The following MED12L variants were observed in gnomAD, a reference collection of about 807,000 sequenced individuals.
The protein encoded by MED12L is mediator of RNA polymerase II transcription subunit 12-like protein.
In MED12L, 60 loss-of-function variants were observed where a neutral mutation model predicts 281.3. The ratio of observed to expected loss-of-function variants is 0.21; its 90% confidence interval spans 0.17 to 0.26. MED12L has a LOEUF of 0.26. Among genes scored for constraint, MED12L ranks in the 10% least tolerant of loss-of-function variants. The pLI is 1.00. For synonymous variants in MED12L, 974 were observed against 987.2 expected, an observed-to-expected ratio of 0.99 and a Z score of 0.25; for missense variants, 2,146 against 2,680.9, an observed-to-expected ratio of 0.80 and a Z score of 4.41.
intron 16 of MED12L, among the ~76,000 whole-genome samples, chr3:151,319,468 C>CGTGTGTGTGTGTGTGCGT (rs1748724504): frequency 6.9e-6 from 1 of 145,552 alleles, no homozygotes; most frequent in Non-Finnish European, 1.5e-5. Flanking sequence ...TGTGTGTGTG[C>CGTGTGTGTGTGTGTGCGT]GTGTGTGTGT....
chr3:151,219,265 G>T (rs10513390), intron 16 of MED12L, among the ~76,000 whole-genome samples: 1 of 151,924 alleles, frequency 6.6e-6, no homozygotes, highest in Non-Finnish European at 1.5e-5. Context: ...TTCTCTCTTT[G>T]GACAGAATTT....
intron 16 of MED12L, among the ~76,000 whole-genome samples, chr3:151,218,977 A>G (rs1366128040): frequency 1.3e-5 from 2 of 151,420 alleles, no homozygotes; most frequent in African/African-American, 4.8e-5. Flanking sequence ...ATCCAGATAT[A>G]TGAGAATGAA....
At chr3:151,260,002 A>G (rs1019353995) in intron 16 of MED12L, among the ~76,000 whole-genome samples, 3 of 152,168 alleles carry the variant, frequency 2.0e-5, no homozygotes, top group African/African-American at 2.4e-5. Flanking sequence ...ATTGGTAGGC[A>G]TTGTGAAGTG....
rs912943589 is a variant in MED12L, at chr3:151,086,093, A to G, written c.-130+157A>G. Among the ~76,000 whole-genome samples the G allele has an allele frequency of 4.6e-5, 7 of 152,080 alleles. No individual in the cohort carries two copies. In the East Asian group the frequency reaches 7.8e-4, roughly 17 times the overall value. On this transcript the variant is annotated intron_variant, in intron 1 of 44. Transcript: ENST00000687756. ...CTTCCCCAGCCCCTGGAGGGACTGT[A>G]AAGGGTTAAGTCGGCCCCACGCCAC... is the stretch of plus-strand genomic sequence containing the variant.
intron 40 of MED12L, 140 bp downstream of exon 40, chr3:151,409,472 T>A: frequency 9.7e-6 from 7 of 721,012 alleles, no homozygotes; most frequent in Admixed American, 8.0e-5. Flanking sequence ...TTATAATTGA[T>A]ATTTCAAAAA....
chr3:151,102,395 T>C (rs923524150), intron 2 of MED12L, among the ~76,000 whole-genome samples: 6 of 152,164 alleles, frequency 3.9e-5, no homozygotes, highest in African/African-American at 7.2e-5. Flanking sequence ...CAGGGGAAAT[T>C]TGTTTCCTTG....
At chr3:151,310,656 C>G (rs1747378655) in intron 16 of MED12L, among the ~76,000 whole-genome samples, 1 of 152,206 alleles carries the variant, frequency 6.6e-6, no homozygotes, top group Non-Finnish European at 1.5e-5. Context: ...ATTTGGTGAA[C>G]TAATTTCTCA....
intron 16 of MED12L, among the ~76,000 whole-genome samples, chr3:151,214,871 A>G (rs943809464): frequency 6.6e-6 from 1 of 152,174 alleles, no homozygotes; most frequent in African/African-American, 2.4e-5. Context: ...CCCATGTGTA[A>G]TGTATTTTTT....
chr3:151,244,740 T>A (rs1489483040), intron 16 of MED12L, among the ~76,000 whole-genome samples: 2 of 151,786 alleles, frequency 1.3e-5, no homozygotes, highest in Admixed American at 6.6e-5. Context: ...ATTCAAAAGC[T>A]AGCAGAAGGC....
intron 39 of MED12L, among the ~76,000 whole-genome samples, chr3:151,404,960 T>C (rs565850544): frequency 5.9e-5 from 9 of 152,300 alleles, no homozygotes; most frequent in African/African-American, 1.9e-4. Context: ...CACAGAAGAA[T>C]GAAAATTATG....
At chr3:151,116,866 T>C (rs1712899090) in intron 3 of MED12L, among the ~76,000 whole-genome samples, 1 of 152,204 alleles carries the variant, frequency 6.6e-6, no homozygotes, top group Non-Finnish European at 1.5e-5. Flanking sequence ...TTTGCCCTAC[T>C]ATTGGCTATA....
intron 16 of MED12L, chr3:151,219,788 T>C (rs1728961335): frequency 6.6e-6 from 1 of 152,104 alleles, no homozygotes; most frequent in Non-Finnish European, 1.5e-5. Context: ...CTATACTTGC[T>C]ATTTGTTGTC....
Position 151,350,089 on chromosome 3 carries a change from C to T in MED12L, c.2281C>T (p.Arg761Cys), listed in dbSNP as rs1753031844. 1.2e-6 allele frequency: 2 copies of T among 1,612,134 alleles called. No homozygotes were observed. The highest frequency in any genetic ancestry group is 8.5e-7 in the Non-Finnish European group (1 of 1,178,816). ...DESSSHECNQ[R>C]TILLYGVGKE... ...ATCTTCAAGTCATGAATGTAACCAGCGCACAATCCTTCTCTATGGAGTCGG... is the reference window on the plus strand; with the variant it reads ...ATCTTCAAGTCATGAATGTAACCAGTGCACAATCCTTCTCTATGGAGTCGG... Residue 761 changes from arginine (R) to cysteine (C), a missense_variant, in exon 17 of 45, where the codon CGC becomes TGC. Arg to Cys is a radical substitution (Grantham distance 180). Around this residue, in one of 9 missense-constraint regions of MED12L, gnomAD observed 404 missense variants for 603.5 expected, o/e 0.67. Coordinates refer to ENST00000687756, the MANE Select transcript of MED12L (RefSeq NM_001393769.1).
intron 16 of MED12L, chr3:151,213,857 C>T (rs1342611702): frequency 2.5e-6 from 4 of 1,613,952 alleles, no homozygotes; most frequent in Admixed American, 1.7e-5. Context: ...ATATTTGGAA[C>T]AGCAAGGAGG....
In MED12L at chr3:151,229,421, G is replaced by A. The variant is rs370450248; in HGVS notation, c.2250+35755G>A. ...TCCCGGGTTCAAGCGATTCTCCTGC[G>A]TCAGCCTCCCGAGTAGCTGGGACTA... On this transcript the variant is annotated intron_variant, in intron 16 of 44. Transcript: ENST00000687756. Among the ~76,000 whole-genome samples, 1,095 of 142,808 alleles carry A rather than the reference G, an allele frequency of 7.7e-3. 13 individuals carry two copies. The Middle Eastern group carries it at 0.097, about 13-fold the overall frequency. The allele number at this position is 142,808 out of a possible 152,430, so 93.7% of individuals were successfully genotyped here.
At chr3:151,314,363 G>A (rs1747955196) in intron 16 of MED12L, among the ~76,000 whole-genome samples, 1 of 152,204 alleles carries the variant, frequency 6.6e-6, no homozygotes, top group Non-Finnish European at 1.5e-5. Context: ...TGTAAGGTCA[G>A]AAAGAACCTG....
intron 42 of MED12L, among the ~76,000 whole-genome samples, chr3:151,415,842 C>T (rs940467637): frequency 1.3e-5 from 2 of 151,734 alleles, no homozygotes; most frequent in South Asian, 2.1e-4. Context: ...GGTGTCATGG[C>T]GACTAGTCTG....
intron 40 of MED12L, 148 bp from the exon 41 acceptor site, chr3:151,411,127 GTCC>G (rs766943041): frequency 2.3e-5 from 15 of 641,094 alleles, no homozygotes; most frequent in Non-Finnish European, 3.9e-5. Flanking sequence ...ATCCAGGGTA[GTCC>G]TCCTCAAATT....
chr3:151,202,776 C>T (rs1725811035), intron 16 of MED12L, among the ~76,000 whole-genome samples: 1 of 152,222 alleles, frequency 6.6e-6, no homozygotes, highest in Admixed American at 6.5e-5. Flanking sequence ...GGAAAGTCAT[C>T]TTAAGGCCTG....
Sources: gnomAD v4.1 joint callset for allele counts (sites outside exome capture counted in the v4.1 genomes callset) on GRCh38, gnomAD v4.1.1 for gene constraint, gnomAD v4.1.1 regional missense constraint, MANE v1.5 for transcripts, NCBI Gene and HGNC (gene_info 2026-07-23, HGNC 2026-07-21) for gene names.